PHACTR1: variants seen among roughly 807,000 people sequenced by gnomAD.
The protein encoded by PHACTR1 is phosphatase and actin regulator 1.
A neutral mutation model predicts 69.2 loss-of-function variants in PHACTR1; 16 were observed. The observed-to-expected ratio is 0.23, with a 90% CI of 0.16 to 0.35. PHACTR1 has a LOEUF of 0.35. PHACTR1 is among the 10% of genes least tolerant of loss of function. The pLI is 1.00. For missense variants in PHACTR1, 510 were observed against 734.7 expected (o/e 0.69, Z 3.54); for synonymous variants, 312 against 284.5 (o/e 1.10, Z -0.97).
intron 4 of PHACTR1, among the ~76,000 whole-genome samples, chr6:12,928,094 G>T (rs1788463572): frequency 6.6e-6 from 1 of 152,138 alleles, no homozygotes; most frequent in Non-Finnish European, 1.5e-5. Context: ...AGGAGGGGCA[G>T]CACAGCTATC....
intron 5 of PHACTR1, among the ~76,000 whole-genome samples, chr6:13,091,088 G>A (rs1272557505): frequency 6.6e-6 from 1 of 152,032 alleles, no homozygotes; most frequent in Non-Finnish European, 1.5e-5. Context: ...TCGGCTCACT[G>A]CAACCTCTGC....
In PHACTR1 at chr6:13,003,965, G is replaced by GTATATATATATATATATATGTA. The variant is rs772804033; in HGVS notation, c.251-49386_251-49385insTATATGTATATATATATATATA. Among the ~76,000 whole-genome samples the GTATATATATATATATATATGTA allele has an allele frequency of 1.0e-4, 10 of 96,308 alleles. 2 individuals carry two copies. Among genetic ancestry groups the GTATATATATATATATATATGTA allele is most frequent in the African/African-American group, 4.7e-4 (8 of 16,972 alleles). 63.2% of individuals were successfully genotyped at this position (96,308 alleles called of 152,430 possible). ...CAGTAGTATTCCTATATATATATAT[G>GTATATATATATATATATATGTA]TATATATATATATACACATATATAT... is the stretch of plus-strand genomic sequence containing the variant. On this transcript the variant is annotated intron_variant, in intron 4 of 14. Transcript: ENST00000332995.
chr6:13,276,518 T>A (rs1278284448), intron 11 of PHACTR1, among the ~76,000 whole-genome samples: 1 of 152,214 alleles, frequency 6.6e-6, no homozygotes, highest in African/African-American at 2.4e-5. Flanking sequence ...ACGCCTATAA[T>A]CCCAGCACTC....
intron 4 of PHACTR1, among the ~76,000 whole-genome samples, chr6:12,819,712 CA>C: frequency 6.6e-6 from 1 of 152,114 alleles, no homozygotes; most frequent in Non-Finnish European, 1.5e-5. Flanking sequence ...TTTTTAGCCT[CA>C]AAAAGGCCAT....
rs543269386 is a variant in PHACTR1, at chr6:13,161,438, A to G, written c.496+1154A>G. ...GTGAAATAACAGACTGTCACTTCCA[A>G]TCTTGTTAAAATCATCAACAGTGAT... is the stretch of plus-strand genomic sequence containing the variant. On this transcript the variant is annotated intron_variant, in intron 6 of 14. Transcript: ENST00000332995. Among the ~76,000 whole-genome samples the G allele has an allele frequency of 1.5e-4, 23 of 151,898 alleles. No individual in the cohort carries two copies. In the South Asian group the frequency reaches 4.6e-3, roughly 30 times the overall value.
At chr6:13,205,789 T>G in intron 7 of PHACTR1, 26 bp from the exon 8 acceptor site, 3 of 1,552,018 alleles carry the variant, frequency 1.9e-6, no homozygotes, top group Non-Finnish European at 2.6e-6. Flanking sequence ...AACTCACATC[T>G]GCCTCTCGCC....
chr6:12,729,114 C>G (rs1363803420), intron 3 of PHACTR1, among the ~76,000 whole-genome samples: 1 of 152,172 alleles, frequency 6.6e-6, no homozygotes, highest in Admixed American at 6.5e-5. Flanking sequence ...AGACCCCCAC[C>G]CGCCCCATCA....
chr6:12,877,170 G>A (rs1379405611), intron 4 of PHACTR1, among the ~76,000 whole-genome samples: 1 of 152,148 alleles, frequency 6.6e-6, no homozygotes, highest in Non-Finnish European at 1.5e-5. Flanking sequence ...CAGTCAAGTT[G>A]ACACGACACA....
chr6:13,203,524 C>T (rs1396590275), intron 7 of PHACTR1, among the ~76,000 whole-genome samples: 3 of 152,192 alleles, frequency 2.0e-5, no homozygotes. Flanking sequence ...TTCCTGCTAT[C>T]ATCATTAACA....
intron 4 of PHACTR1, among the ~76,000 whole-genome samples, chr6:12,892,974 A>G (rs1784303680): frequency 6.6e-6 from 1 of 152,198 alleles, no homozygotes. Context: ...CAGGACAAAG[A>G]GGAAGATAGA....
chr6:13,197,525 A>G (rs562282163), intron 7 of PHACTR1, among the ~76,000 whole-genome samples: 2 of 151,882 alleles, frequency 1.3e-5, no homozygotes, highest in Non-Finnish European at 2.9e-5. Context: ...CTTAAACCCC[A>G]GCTCTTCTGA....
intron 4 of PHACTR1, among the ~76,000 whole-genome samples, chr6:12,896,907 A>C (rs144414755): frequency 6.6e-6 from 1 of 152,288 alleles, no homozygotes; most frequent in African/African-American, 2.4e-5. Context: ...GGTAGAATTC[A>C]AAGTAAGGTA....
intron 4 of PHACTR1, among the ~76,000 whole-genome samples, chr6:12,989,119 G>C (rs1032468482): frequency 6.6e-6 from 1 of 152,166 alleles, no homozygotes; most frequent in East Asian, 1.9e-4. Flanking sequence ...CCTATACATG[G>C]TAATTAGTAA....
intron 4 of PHACTR1, among the ~76,000 whole-genome samples, chr6:13,016,304 C>T (rs1281314508): frequency 6.6e-6 from 1 of 152,224 alleles, no homozygotes; most frequent in Non-Finnish European, 1.5e-5. Flanking sequence ...GTGAGGCACA[C>T]CTGTATTATG....
At chr6:12,870,051 T>C (rs961362584) in intron 4 of PHACTR1, among the ~76,000 whole-genome samples, 11 of 152,094 alleles carry the variant, frequency 7.2e-5, no homozygotes, top group African/African-American at 2.7e-4. Context: ...TCATACATTT[T>C]ATTGGATCGA....
At chr6:12,914,461 C>G (rs1312552715) in intron 4 of PHACTR1, among the ~76,000 whole-genome samples, 1 of 152,200 alleles carries the variant, frequency 6.6e-6, no homozygotes, top group Non-Finnish European at 1.5e-5. Flanking sequence ...TATGTCCGCA[C>G]TTCACTTCAG....
At chr6:13,101,631 C>T (rs547277622) in intron 5 of PHACTR1, among the ~76,000 whole-genome samples, 1 of 152,296 alleles carries the variant, frequency 6.6e-6, no homozygotes, top group East Asian at 1.9e-4. Context: ...GTGGTCAGAA[C>T]GTGGTGGATA....
At chr6:13,279,251 T>C (rs1016401757) in intron 12 of PHACTR1, 3 of 152,062 alleles carry the variant, frequency 2.0e-5, no homozygotes, top group Non-Finnish European at 4.4e-5. Flanking sequence ...TCATTCCACA[T>C]GAGTGTCCTC....
At chr6:13,155,931 C>T (rs1297163400) in intron 5 of PHACTR1, among the ~76,000 whole-genome samples, 2 of 151,958 alleles carry the variant, frequency 1.3e-5, no homozygotes, top group Non-Finnish European at 2.9e-5. Context: ...AAGAAAGAAG[C>T]TCCTGAGAGT....
Sources: allele counts gnomAD v4.1 joint callset (sites outside exome capture counted in the v4.1 genomes callset), GRCh38; gene constraint gnomAD v4.1.1; transcripts MANE v1.5; gene names NCBI Gene and HGNC (gene_info 2026-07-23, HGNC 2026-07-21).